PLXDC2: variants seen among roughly 807,000 people sequenced by gnomAD.
The protein encoded by PLXDC2 is plexin domain containing 2, also known as plexin domain-containing protein 2.
PLXDC2 carries 40 observed loss-of-function variants against 68.9 expected under a neutral mutation model. That is an observed-to-expected ratio of 0.58 (90% confidence interval 0.45 to 0.76). The LOEUF (loss-of-function observed/expected upper bound fraction) is 0.76. Among genes scored for constraint, PLXDC2 ranks in the 30% least tolerant of loss-of-function variants. The pLI, the probability that PLXDC2 is intolerant of heterozygous loss-of-function variation, is 0.00. For missense variants in PLXDC2, 644 were observed against 661.9 expected, an observed-to-expected ratio of 0.97 and a Z score of 0.30; for synonymous variants, 243 against 234.2, an observed-to-expected ratio of 1.04 and a Z score of -0.34.
intron 4 of PLXDC2, among the ~76,000 whole-genome samples, chr10:20,107,563 G>A (rs2461945): frequency 0.32 from 48,969 of 151,948 alleles, 10,340 homozygotes; most frequent in Non-Finnish European, 0.48. Flanking sequence ...CTGTCTTTAC[G>A]AGACATTGTC....
intron 13 of PLXDC2, among the ~76,000 whole-genome samples, chr10:20,246,059 T>C (rs931694215): frequency 1.3e-5 from 2 of 152,244 alleles, no homozygotes; most frequent in African/African-American, 4.8e-5. Flanking sequence ...TGTACATTTA[T>C]ATATAAATGC....
intron 1 of PLXDC2, among the ~76,000 whole-genome samples, chr10:19,862,264 C>G (rs1359217136): frequency 6.6e-6 from 1 of 152,122 alleles, no homozygotes; most frequent in Non-Finnish European, 1.5e-5. Context: ...GTTCTTGTGA[C>G]TAGGTTTATA....
At chr10:19,887,782 A>C (rs2131357015) in intron 1 of PLXDC2, among the ~76,000 whole-genome samples, 1 of 152,322 alleles carries the variant, frequency 6.6e-6, no homozygotes, top group South Asian at 2.1e-4. Context: ...AAAGTGCTAA[A>C]ACTTATTCAG....
At chr10:20,173,328 A>G (rs1277745485) in intron 7 of PLXDC2, among the ~76,000 whole-genome samples, 1 of 152,226 alleles carries the variant, frequency 6.6e-6, no homozygotes, top group Non-Finnish European at 1.5e-5. Context: ...CTTACACAAT[A>G]TGAGTAAGCC....
intron 9 of PLXDC2, among the ~76,000 whole-genome samples, chr10:20,204,865 T>C (rs1216076647): frequency 1.3e-5 from 2 of 152,144 alleles, no homozygotes; most frequent in Non-Finnish European, 2.9e-5. Context: ...CGGCCCCTGA[T>C]CTATAAACTG....
At chr10:20,138,948 A>G (rs145211780) in intron 4 of PLXDC2, among the ~76,000 whole-genome samples, 218 of 152,252 alleles carry the variant, frequency 1.4e-3, no homozygotes, top group African/African-American at 5.0e-3. Flanking sequence ...TAATATAATT[A>G]GTGAAGGCCT....
chr10:20,199,179 T>C (rs1479168126), intron 9 of PLXDC2, among the ~76,000 whole-genome samples: 2 of 152,046 alleles, frequency 1.3e-5, no homozygotes, highest in Non-Finnish European at 2.9e-5. Flanking sequence ...GTACTGAAGA[T>C]CACTTGGTCA....
chr10:20,009,765 C>A (rs1292523589), intron 2 of PLXDC2, among the ~76,000 whole-genome samples: 4 of 149,014 alleles, frequency 2.7e-5, no homozygotes, highest in African/African-American at 1.0e-4. Flanking sequence ...CACAGATAAC[C>A]AGGAGCAAGA....
intron 7 of PLXDC2, among the ~76,000 whole-genome samples, chr10:20,171,477 GT>G (rs1244561413): frequency 6.6e-6 from 1 of 152,082 alleles, no homozygotes; most frequent in Non-Finnish European, 1.5e-5. Flanking sequence ...AAATCATGAT[GT>G]TTTCTCATAA....
chr10:20,158,669 A>ATAAG (rs1834250424), intron 6 of PLXDC2, among the ~76,000 whole-genome samples: 1 of 135,968 alleles, frequency 7.4e-6, no homozygotes, highest in Non-Finnish European at 1.6e-5. Context: ...TCTCAAATAA[A>ATAAG]TAAGTAAATA....
intron 7 of PLXDC2, among the ~76,000 whole-genome samples, chr10:20,175,272 C>T (rs1259471646): frequency 6.6e-6 from 1 of 152,014 alleles, no homozygotes; most frequent in African/African-American, 2.4e-5. Flanking sequence ...TGCTATTATC[C>T]CTGTTTTATA....
chr10:20,002,411 C>T (rs1834957926), intron 2 of PLXDC2, among the ~76,000 whole-genome samples: 1 of 152,066 alleles, frequency 6.6e-6, no homozygotes, highest in Non-Finnish European at 1.5e-5. Context: ...AGGCGCATGC[C>T]ACCACTTTTG....
intron 13 of PLXDC2, among the ~76,000 whole-genome samples, chr10:20,276,298 G>A (rs543494765): frequency 7.9e-5 from 12 of 152,218 alleles, no homozygotes; most frequent in African/African-American, 2.9e-4. Flanking sequence ...CTCCAGCTGC[G>A]GTTTTGTGTA....
chr10:19,902,389 C>A (rs1838174943), intron 1 of PLXDC2, among the ~76,000 whole-genome samples: 1 of 152,084 alleles, frequency 6.6e-6, no homozygotes, highest in Non-Finnish European at 1.5e-5. Context: ...TCTTTGACCT[C>A]CTTGGTAAGG....
At chr10:19,862,274 A>T (rs1837332863) in intron 1 of PLXDC2, among the ~76,000 whole-genome samples, 1 of 152,200 alleles carries the variant, frequency 6.6e-6, no homozygotes, top group Admixed American at 6.6e-5. Flanking sequence ...CTAGGTTTAT[A>T]TCAATCACTT....
At chr10:19,951,707 G>A (rs193265081) in intron 1 of PLXDC2, among the ~76,000 whole-genome samples, 221 of 152,208 alleles carry the variant, frequency 1.5e-3, no homozygotes, top group African/African-American at 4.7e-3. Context: ...TTGTATGTTC[G>A]TTGCAGCACT....
rs543147537 is a variant in PLXDC2, at chr10:20,067,034, G to C, written c.472-1136G>C. Among the ~76,000 whole-genome samples, 162 of 152,176 alleles carry C rather than the reference G, an allele frequency of 1.1e-3. 1 individual carries two copies. Among genetic ancestry groups the C allele is most frequent in the African/African-American group, 3.7e-3 (153 of 41,538 alleles). On this transcript the variant is annotated intron_variant, in intron 3 of 13. Transcript: ENST00000377252. ...ATTGCGGTTTTTGCCATTACTTTTA[G>C]TGTTTCTCTTGTTTCTTGCCTGATA...
intron 1 of PLXDC2, among the ~76,000 whole-genome samples, chr10:19,995,355 A>G (rs911230914): frequency 3.9e-5 from 6 of 152,192 alleles, no homozygotes; most frequent in African/African-American, 1.4e-4. Flanking sequence ...CACACACGGT[A>G]TGCATTTTAT....
intron 12 of PLXDC2, among the ~76,000 whole-genome samples, chr10:20,238,669 A>ATATATG: frequency 4.3e-5 from 4 of 93,654 alleles, no homozygotes; most frequent in African/African-American, 1.6e-4. Flanking sequence ...AAAAATATAT[A>ATATATG]TATATATGTA....
Sources: gnomAD v4.1 joint callset for allele counts (sites outside exome capture counted in the v4.1 genomes callset) on GRCh38, gnomAD v4.1.1 for gene constraint, MANE v1.5 for transcripts, NCBI Gene and HGNC (gene_info 2026-07-23, HGNC 2026-07-21) for gene names.